The following TAS2R1 variants were observed in gnomAD, a reference collection of about 807,000 sequenced individuals.
TAS2R1 encodes the protein taste receptor type 2 member 1.
For missense variants in TAS2R1, 370 were observed against 353.4 expected, an observed-to-expected ratio of 1.05 and a Z score of -0.38; for synonymous variants, 141 against 134.2, an observed-to-expected ratio of 1.05 and a Z score of -0.35.
the TAS2R1 span, among the ~76,000 whole-genome samples, chr5:9,789,127 T>C: frequency 1.3e-5 from 2 of 152,034 alleles, no homozygotes; most frequent in African/African-American, 4.8e-5. Context: ...TTATCCAGCT[T>C]TGAAAGAATT....
intron 2 of TAS2R1, among the ~76,000 whole-genome samples, chr5:9,651,208 A>C (rs1311840035): frequency 1.3e-5 from 2 of 152,182 alleles, no homozygotes; most frequent in Non-Finnish European, 2.9e-5. Flanking sequence ...TCGATTTGGC[A>C]GTCCTGGGGA....
At chr5:9,900,986 G>A in the TAS2R1 span, among the ~76,000 whole-genome samples, 4 of 152,168 alleles carry the variant, frequency 2.6e-5, no homozygotes, top group Non-Finnish European at 5.9e-5. Flanking sequence ...GCGTGTCTCT[G>A]TTTGCACTAG....
intron 1 of TAS2R1, among the ~76,000 whole-genome samples, chr5:9,666,871 T>C (rs1351663251): frequency 6.6e-6 from 1 of 152,152 alleles, no homozygotes; most frequent in Non-Finnish European, 1.5e-5. Flanking sequence ...AATAAAATGA[T>C]ATGTGGTTTA....
chr5:9,633,289 GTATAT>G (rs1487062221), upstream of TAS2R1, among the ~76,000 whole-genome samples: 1 of 61,532 alleles, frequency 1.6e-5, no homozygotes, highest in Admixed American at 1.5e-4. Context: ...GTGTGTGTGT[GTATAT>G]TATATATATA....
At chr5:9,886,318 C>G in the TAS2R1 span, among the ~76,000 whole-genome samples, 3 of 149,220 alleles carry the variant, frequency 2.0e-5, no homozygotes, top group Non-Finnish European at 4.4e-5. Context: ...AGGTGTGAGC[C>G]ACTGCGCCCA....
chr5:9,730,087 T>A, the TAS2R1 span, among the ~76,000 whole-genome samples: 2 of 152,222 alleles, frequency 1.3e-5, no homozygotes, highest in South Asian at 4.1e-4. Flanking sequence ...CACACCAACA[T>A]AAAATCATAG....
At chr5:9,876,935 T>C in the TAS2R1 span, among the ~76,000 whole-genome samples, 1 of 152,334 alleles carries the variant, frequency 6.6e-6, no homozygotes, top group Admixed American at 6.5e-5. Context: ...ACGAAAGGAA[T>C]GAAGAAACCA....
chr5:9,853,048 T>C, the TAS2R1 span, among the ~76,000 whole-genome samples: 1 of 152,160 alleles, frequency 6.6e-6, no homozygotes, highest in East Asian at 1.9e-4. Flanking sequence ...AGGTAGGATA[T>C]GCAGGACAAA....
At chr5:9,634,758 G>T (rs1041783900), upstream of TAS2R1, among the ~76,000 whole-genome samples, 1 of 152,014 alleles carries the variant, frequency 6.6e-6, no homozygotes, top group Non-Finnish European at 1.5e-5. Context: ...CCCATTATTG[G>T]TGCATAGCAG....
chr5:9,796,873 C>A, the TAS2R1 span, among the ~76,000 whole-genome samples: 3 of 152,148 alleles, frequency 2.0e-5, no homozygotes, highest in Non-Finnish European at 4.4e-5. Context: ...TTCAAACTGT[C>A]ATATTTTCCT....
intron 1 of TAS2R1, among the ~76,000 whole-genome samples, chr5:9,690,446 G>A (rs1378589362): frequency 6.6e-6 from 1 of 152,100 alleles, no homozygotes; most frequent in Non-Finnish European, 1.5e-5. Flanking sequence ...CTGGATATGT[G>A]CAATGTGGTG....
intron 1 of TAS2R1, among the ~76,000 whole-genome samples, chr5:9,690,849 T>C (rs796614827): frequency 1.3e-4 from 20 of 152,198 alleles, no homozygotes; most frequent in African/African-American, 4.6e-4. Context: ...AATCAGGACG[T>C]AGAAGAGAGG....
At chr5:9,751,357 A>G in the TAS2R1 span, among the ~76,000 whole-genome samples, 5 of 151,200 alleles carry the variant, frequency 3.3e-5, no homozygotes, top group Non-Finnish European at 5.9e-5. Flanking sequence ...TTATAATTCT[A>G]TGGTCACTTC....
the TAS2R1 span, among the ~76,000 whole-genome samples, chr5:9,877,139 G>T: frequency 6.6e-6 from 1 of 152,180 alleles, no homozygotes; most frequent in South Asian, 2.1e-4. Flanking sequence ...CTCCTGAAAT[G>T]GGCATTTAAC....
chr5:9,749,872 G>C, the TAS2R1 span, among the ~76,000 whole-genome samples: 10 of 152,186 alleles, frequency 6.6e-5, 1 homozygote, highest in African/African-American at 2.4e-4. Flanking sequence ...CTAGGCTGCT[G>C]TGAACCTCTC....
At chr5:9,832,870 T>C in the TAS2R1 span, among the ~76,000 whole-genome samples, 2 of 152,240 alleles carry the variant, frequency 1.3e-5, no homozygotes, top group African/African-American at 4.8e-5. Context: ...CTCGTGACAG[T>C]GACACAGCCT....
chr5:9,769,038 A>G, the TAS2R1 span, among the ~76,000 whole-genome samples: 2 of 152,150 alleles, frequency 1.3e-5, no homozygotes, highest in Non-Finnish European at 2.9e-5. Context: ...ATATTTTTGT[A>G]CCCATTAACT....
chr5:9,824,698 T>C, the TAS2R1 span, among the ~76,000 whole-genome samples: 1 of 151,808 alleles, frequency 6.6e-6, no homozygotes, highest in Admixed American at 6.6e-5. Context: ...AATATAAAAA[T>C]TAGCCAGGTG....
chr5:9,870,128 G>C, the TAS2R1 span: 2 of 152,274 alleles, frequency 1.3e-5, no homozygotes, highest in East Asian at 3.9e-4. Flanking sequence ...TGACTCCCTT[G>C]CAAGTGCATG....
Sources: gnomAD v4.1 joint callset for allele counts (sites outside exome capture counted in the v4.1 genomes callset) on GRCh38, gnomAD v4.1.1 for gene constraint, MANE v1.5 for transcripts, NCBI Gene and HGNC (gene_info 2026-07-23, HGNC 2026-07-21) for gene names.